The following P2RX7 variants were observed in gnomAD, a reference collection of about 807,000 sequenced individuals.
P2RX7 encodes the protein P2X purinoceptor 7.
In P2RX7, 62 loss-of-function variants were observed where a neutral mutation model predicts 71.6. That is an observed-to-expected ratio of 0.87 (90% CI 0.71 to 1.07). The LOEUF (loss-of-function observed/expected upper bound fraction) is 1.07. P2RX7 is among the 50% of genes least tolerant of loss of function. P2RX7 has a pLI of 0.00. For synonymous variants in P2RX7, 299 were observed against 283.3 expected (o/e 1.06, Z -0.56); for missense variants, 686 against 748.5 (o/e 0.92, Z 0.97).
rs1191013191 is a variant in P2RX7, at chr12:121,184,874, C to T, written c.*72C>T. 14 of 1,269,618 alleles carry T rather than the reference C, an allele frequency of 1.1e-5. No homozygotes were observed. Among genetic ancestry groups the T allele is most frequent in the Admixed American group, 7.9e-5 (3 of 37,848 alleles). The allele number at this position is 1,269,618 out of a possible 1,614,324, so 78.6% of individuals were successfully genotyped here. ...CCGAGGCAGGCAGATCACCTGAGGTCGGGAGTTGGAGACCCGCCTGGCTAA... is the reference window on the plus strand; with the variant it reads ...CCGAGGCAGGCAGATCACCTGAGGTTGGGAGTTGGAGACCCGCCTGGCTAA... On this transcript the variant is annotated 3_prime_UTR_variant, in exon 13 of 13. Transcript: ENST00000328963.
chr12:121,161,016 T>C (rs750618459), intron 4 of P2RX7, 42 bp downstream of exon 4: 6 of 1,478,486 alleles, frequency 4.1e-6, no homozygotes, highest in Non-Finnish European at 9.5e-7. Flanking sequence ...GGGTGGATGG[T>C]CTGGCATCTT....
chr12:121,141,709 C>T (rs1874912461), intron 1 of P2RX7, among the ~76,000 whole-genome samples: 1 of 152,134 alleles, frequency 6.6e-6, no homozygotes, highest in African/African-American at 2.4e-5. Context: ...CTGCTGAGGA[C>T]TTAGCATGTG....
At chr12:121,171,359 C>CTTTTTTT (rs34595094) in intron 8 of P2RX7, among the ~76,000 whole-genome samples, 1 of 105,026 alleles carries the variant, frequency 9.5e-6, no homozygotes, top group Non-Finnish European at 1.8e-5. Flanking sequence ...TCTTCAATCT[C>CTTTTTTT]TTTTTTTTTT....
intron 2 of P2RX7, among the ~76,000 whole-genome samples, chr12:121,155,648 C>G (rs554817550): frequency 5.9e-5 from 9 of 152,068 alleles, no homozygotes; most frequent in Non-Finnish European, 8.8e-5. Context: ...TCATTAAAAT[C>G]CTGTGATTGC....
chr12:121,159,967 T>C (rs1879322876), intron 3 of P2RX7, among the ~76,000 whole-genome samples: 1 of 152,220 alleles, frequency 6.6e-6, no homozygotes, highest in Non-Finnish European at 1.5e-5. Flanking sequence ...TTATTTGTAT[T>C]GGGATATAAT....
intron 8 of P2RX7, among the ~76,000 whole-genome samples, chr12:121,170,221 G>T (rs1288495159): frequency 1.3e-5 from 2 of 152,152 alleles, no homozygotes; most frequent in African/African-American, 4.8e-5. Context: ...AAGAAGAGAG[G>T]ACAGGATGAA....
rs567612383 is a variant in P2RX7, at chr12:121,154,524, A to G, written c.126-261A>G. The stretch of plus-strand genomic sequence containing the variant: ...AATATTAAAGAATAGGATTGGGGGC[A>G]GTAGCTTTCCTGTAGCAAGTGCTAG... On this transcript the variant is annotated intron_variant, in intron 1 of 12. Transcript: ENST00000328963. The surrounding 1 kb of genome is among the most constrained non-coding windows in gnomAD (Gnocchi z 4.2). 6.6e-6 allele frequency among the ~76,000 whole-genome samples: 1 copy of G among 152,308 alleles called. No individual in the cohort carries two copies. The highest frequency in any genetic ancestry group is 1.9e-4 in the East Asian group (1 of 5,178).
Position 121,186,337 on chromosome 12 carries a change from A to G in P2RX7, c.*1535A>G, listed in dbSNP as rs1334221711. The G allele has an allele frequency of 1.3e-5, 2 of 152,220 alleles. No homozygotes were observed. Among genetic ancestry groups the G allele is most frequent in the Non-Finnish European group, 2.9e-5 (2 of 68,064 alleles). 9.4% of individuals were successfully genotyped at this position (152,220 alleles called of 1,614,324 possible). A position where few individuals can be genotyped will look rare whatever the true frequency, so the allele number is the denominator to read the frequency against. On this transcript the variant is annotated 3_prime_UTR_variant, in exon 13 of 13. Transcript: ENST00000328963. ...TTTGGGGCTTATTTGTTCCACAGCA[A>G]CAGGTAACTGGAACAGAGGGCAAGC...
intron 11 of P2RX7, among the ~76,000 whole-genome samples, chr12:121,178,008 G>A (rs1883455460): frequency 6.6e-6 from 1 of 152,108 alleles, no homozygotes; most frequent in Non-Finnish European, 1.5e-5. Context: ...GTGAGCCACT[G>A]AGCCCAGCCT....
chr12:121,133,833 T>A (rs1872929836), intron 1 of P2RX7, among the ~76,000 whole-genome samples: 1 of 152,218 alleles, frequency 6.6e-6, no homozygotes, highest in African/African-American at 2.4e-5. Flanking sequence ...TGGTCCTTTG[T>A]GGCACTTAGC....
chr12:121,155,217 G>A lies in P2RX7; in HGVS notation c.294+264G>A, dbSNP rs575447853. 64 of 1,420,518 alleles carry A rather than the reference G, an allele frequency of 4.5e-5. 1 individual carries two copies. The African/African-American group carries it at 7.7e-4, about 17-fold the overall frequency. 88.0% of individuals were successfully genotyped at this position (1,420,518 alleles called of 1,614,324 possible). On this transcript the variant is annotated intron_variant, in intron 2 of 12. Coordinates refer to ENST00000328963, the MANE Select transcript of P2RX7 (RefSeq NM_002562.6). ...ATTGAAAACAGGATTTGATTCACTC[G>A]CGCTTGATTTACCCGCAGCTTTTTA...
rs768771180 is a variant in P2RX7 at position 121,132,982 on chromosome 12, C to G, written c.12C>G (p.Cys4Trp). Residue 4 changes from cysteine to tryptophan, a missense_variant, in exon 1 of 13, where the codon TGC (cysteine) becomes TGG (tryptophan). By Grantham distance (215) the Cys-to-Trp change is radical (BLOSUM62 -2). Coordinates refer to ENST00000328963, the MANE Select transcript of P2RX7 (RefSeq NM_002562.6). ...GGGAGGCTGTCACCATGCCGGCCTG[C>G]TGCAGCTGCAGTGATGTTTTCCAGT... MPA[C>W]CSCSDVFQYE... 6.2e-6 allele frequency: 10 copies of G among 1,613,712 alleles called. No homozygotes were observed. The highest frequency in any genetic ancestry group is 1.7e-5 in the Admixed American group (1 of 59,998).
rs1451461795 is a variant in P2RX7, at chr12:121,162,494, C to T, written c.507C>T (p.Pro169=). The stretch of plus-strand genomic sequence containing the variant: ...CCTGTGAAGTCTCTGCCTGGTGCCC[C>T]ATCGAGGCAGTGGAAGAGGCCCCCC... ...QKTCEVSAWC[P]IEAVEEAPRP... Residue 169 remains proline (P), a synonymous_variant, in exon 5 of 13, where the codon CCC becomes CCT. Transcript: ENST00000328963. The T allele has an allele frequency of 6.2e-7, 1 of 1,613,460 alleles. No individual in the cohort carries two copies. Among genetic ancestry groups the T allele is most frequent in the African/African-American group, 1.3e-5 (1 of 74,916 alleles).
At position 121,138,123 on chromosome 12, in the gene P2RX7, G is replaced by A. The variant is rs770923649; in HGVS notation, c.125+5028G>A. ...AGTAAGTGACAGAAACCCAACTTGC[G>A]TTAACCACAAAGCCTCAAAGGGGAA... On this transcript the variant is annotated intron_variant, in intron 1 of 12. Coordinates refer to ENST00000328963, the MANE Select transcript of P2RX7 (RefSeq NM_002562.6). Among the ~76,000 whole-genome samples the A allele has an allele frequency of 8.5e-5, 13 of 152,280 alleles. No homozygotes were observed. The East Asian group carries it at 1.2e-3, about 14-fold the overall frequency.
intron 1 of P2RX7, among the ~76,000 whole-genome samples, chr12:121,137,117 G>C (rs1024598451): frequency 6.6e-6 from 1 of 152,212 alleles, no homozygotes; most frequent in Non-Finnish European, 1.5e-5. Context: ...TGGAGAGAGA[G>C]AGAACAATAT....
intron 3 of P2RX7, among the ~76,000 whole-genome samples, chr12:121,157,630 T>G (rs1477219964): frequency 1.3e-5 from 2 of 152,170 alleles, no homozygotes; most frequent in Non-Finnish European, 1.5e-5. Context: ...CATGTACACA[T>G]AAAGACACTT....
Position 121,184,971 on chromosome 12 carries a change from G to C in P2RX7, c.*169G>C, listed in dbSNP as rs1009383860. Reference sequence around the variant, plus strand: ...ATGGTGGCATGCACCTGCAATCCCAGCTACTCGGGAGGCTGAGGCACAAGA... The same window carrying C: ...ATGGTGGCATGCACCTGCAATCCCACCTACTCGGGAGGCTGAGGCACAAGA... On this transcript the variant is annotated 3_prime_UTR_variant, in exon 13 of 13. Coordinates refer to ENST00000328963, the MANE Select transcript of P2RX7 (RefSeq NM_002562.6). 1.7e-6 allele frequency: 1 copy of C among 585,444 alleles called. No homozygotes were observed. Among genetic ancestry groups the C allele is most frequent in the Admixed American group, 3.1e-5 (1 of 32,650 alleles). The allele number at this position is 585,444 out of a possible 1,614,324, so 36.3% of individuals were successfully genotyped here.
At position 121,187,096 on chromosome 12, in the gene P2RX7, C is replaced by T. The variant is rs1482546924; in HGVS notation, c.*2294C>T. The T allele has an allele frequency of 1.3e-5, 2 of 152,176 alleles. No homozygotes were observed. Among genetic ancestry groups the T allele is most frequent in the African/African-American group, 4.8e-5 (2 of 41,440 alleles). The allele number at this position is 152,176 out of a possible 1,614,324, so 9.4% of individuals were successfully genotyped here. A position where few individuals can be genotyped will look rare whatever the true frequency, so the allele number is the denominator to read the frequency against. ...GTTTTAGGATCCTGCTTCAGGATTT[C>T]CTTTTCCTGGTTTGGTCACTAGAGT... is the stretch of plus-strand genomic sequence containing the variant. On this transcript the variant is annotated 3_prime_UTR_variant, in exon 13 of 13. Coordinates refer to ENST00000328963, the MANE Select transcript of P2RX7 (RefSeq NM_002562.6).
At chr12:121,178,040 G>C (rs1187233347) in intron 11 of P2RX7, among the ~76,000 whole-genome samples, 2 of 151,814 alleles carry the variant, frequency 1.3e-5, no homozygotes, top group African/African-American at 4.8e-5. Flanking sequence ...TATTAAATTG[G>C]TATAGCCAAA....
Sources: allele counts gnomAD v4.1 joint callset (sites outside exome capture counted in the v4.1 genomes callset), GRCh38; gene constraint gnomAD v4.1.1; non-coding constraint Gnocchi (gnomAD v3.1); transcripts MANE v1.5; gene names NCBI Gene and HGNC (gene_info 2026-07-23, HGNC 2026-07-21).